Variants in PCDHA1 observed in about 807,000 individuals in gnomAD.
PCDHA1 encodes protocadherin alpha-1.
A neutral mutation model predicts 61.3 loss-of-function variants in PCDHA1; 42 were observed. That is an observed-to-expected ratio of 0.69 (90% CI 0.54 to 0.89). The LOEUF is 0.89. Ranked by LOEUF, PCDHA1 falls within the 40% of genes least tolerant of loss-of-function variation. The pLI is 0.00. For missense variants in PCDHA1, 1,256 were observed against 1,235.3 expected (o/e 1.02, Z -0.25); for synonymous variants, 610 against 553.8 (o/e 1.10, Z -1.43).
intron 1 of PCDHA1, chr5:140,803,449 C>G: frequency 6.2e-7 from 1 of 1,614,208 alleles, no homozygotes; most frequent in Non-Finnish European, 8.5e-7. Flanking sequence ...TGGTCATACT[C>G]GCAGCAGAGG....
rs1554168216 is a variant in PCDHA1, at chr5:140,876,040, A to G, written c.2394+87356A>G. 2 of 1,613,752 alleles carry G rather than the reference A, an allele frequency of 1.2e-6. No homozygotes were observed. Among genetic ancestry groups the G allele is most frequent in the African/African-American group, 1.3e-5 (1 of 74,922 alleles). ...AATAAAAACAAAAAAAGATAAAAGT[A>G]TATTGCCTGAATTAGTTCTTCGGAA... On this transcript the variant is annotated intron_variant, in intron 1 of 3. Coordinates refer to ENST00000504120, the MANE Select transcript of PCDHA1 (RefSeq NM_018900.4).
At chr5:140,806,114 CA>C (rs1392968631) in intron 1 of PCDHA1, among the ~76,000 whole-genome samples, 5 of 152,140 alleles carry the variant, frequency 3.3e-5, no homozygotes, top group African/African-American at 1.2e-4. Context: ...TTGGTTTGAT[CA>C]TGACATTCTT....
intron 2 of PCDHA1, among the ~76,000 whole-genome samples, chr5:140,981,680 C>G (rs1238332235): frequency 6.6e-6 from 1 of 151,746 alleles, no homozygotes; most frequent in Non-Finnish European, 1.5e-5. Context: ...CTTCCTTCCT[C>G]CCTTCCATCA....
At chr5:140,834,377 A>G (rs1445346495) in intron 1 of PCDHA1, 1 of 1,562,428 alleles carries the variant, frequency 6.4e-7, no homozygotes, top group Non-Finnish European at 8.7e-7. Flanking sequence ...CAAGCCAATA[A>G]TTTGAAATGG....
At position 140,927,139 on chromosome 5, in the gene PCDHA1, C is replaced by G. The variant is rs782726149; in HGVS notation, c.2395-51810C>G. 6 of 1,613,928 alleles carry G rather than the reference C, an allele frequency of 3.7e-6. No homozygotes were observed. The Admixed American group carries it at 5.0e-5, about 13-fold the overall frequency. On this transcript the variant is annotated intron_variant, in intron 1 of 3. Coordinates refer to ENST00000504120, the MANE Select transcript of PCDHA1 (RefSeq NM_018900.4). Reference sequence around the variant, plus strand: ...TTTGGTGGTCAGAGAGCCGGCGGACCGCGAACAGCTGTGCAGGGCCAAAGC... The same window carrying G: ...TTTGGTGGTCAGAGAGCCGGCGGACGGCGAACAGCTGTGCAGGGCCAAAGC...
Position 140,922,465 on chromosome 5 carries a change from T to C in PCDHA1, c.2395-56484T>C, listed in dbSNP as rs116670359. ...CATTATCCTATTTGTCAACACAAAA[T>C]AGGAGAGAAGGCAGGACTAAATCTG... On this transcript the variant is annotated intron_variant, in intron 1 of 3. Transcript: ENST00000504120. Among the ~76,000 whole-genome samples the C allele has an allele frequency of 8.9e-3, 1,361 of 152,304 alleles. 16 individuals carry two copies. Among genetic ancestry groups the C allele is most frequent in the African/African-American group, 0.031 (1,303 of 41,562 alleles).
At chr5:140,941,244 T>TTTCG (rs2092953100) in intron 1 of PCDHA1, among the ~76,000 whole-genome samples, 1 of 141,602 alleles carries the variant, frequency 7.1e-6, no homozygotes, top group South Asian at 2.3e-4. Context: ...TCTTTCTTTC[T>TTTCG]TTCTTTCTTT....
chr5:140,802,875 G>T (rs782103564), intron 1 of PCDHA1: 1 of 1,613,736 alleles, frequency 6.2e-7, no homozygotes, highest in Non-Finnish European at 8.5e-7. Context: ...GGACGAGAAC[G>T]ACAACGCGCC....
intron 1 of PCDHA1, chr5:140,850,234 TGGTGCTGCGGTC>T (rs1344981647): frequency 6.3e-7 from 1 of 1,593,808 alleles, no homozygotes; most frequent in East Asian, 2.2e-5. Flanking sequence ...GTGAGCGAGA[TGGTGCTGCGGTC>T]GGTGGGCGCC....
rs2150421063 is a variant in PCDHA1, at chr5:140,848,806, T to C, written c.2394+60122T>C. The C allele has an allele frequency of 8.8e-6, 14 of 1,591,932 alleles. 1 individual carries two copies. The South Asian group carries it at 1.4e-4, about 16-fold the overall frequency. The stretch of plus-strand genomic sequence containing the variant: ...TGCGGGCGGAGCGCGGAGTGCAGCA[T>C]CCACCTGGAGGTGATCGTAGACAGG... On this transcript the variant is annotated intron_variant, in intron 1 of 3. Coordinates refer to ENST00000504120, the MANE Select transcript of PCDHA1 (RefSeq NM_018900.4).
intron 1 of PCDHA1, among the ~76,000 whole-genome samples, chr5:140,908,655 G>C (rs1419890192): frequency 6.6e-6 from 1 of 152,176 alleles, no homozygotes; most frequent in East Asian, 1.9e-4. Context: ...ATGGGGGCCT[G>C]CCAAAGGCTC....
At chr5:140,850,206 A>T in intron 1 of PCDHA1, 1 of 1,592,626 alleles carries the variant, frequency 6.3e-7, no homozygotes, top group South Asian at 1.1e-5. Flanking sequence ...ACCTCGGATG[A>T]GGGGCACTGA....
At chr5:140,956,331 C>T (rs1554222358) in intron 1 of PCDHA1, among the ~76,000 whole-genome samples, 1 of 152,064 alleles carries the variant, frequency 6.6e-6, no homozygotes, top group Non-Finnish European at 1.5e-5. Flanking sequence ...TCCTTCAATA[C>T]CTAGTTTATT....
In PCDHA1 at chr5:141,010,350, G is replaced by A; in HGVS notation, c.*413G>A. The A allele has an allele frequency of 6.6e-7, 1 of 1,515,722 alleles. No individual in the cohort carries two copies. Among genetic ancestry groups the A allele is most frequent in the Non-Finnish European group, 8.8e-7 (1 of 1,132,152 alleles). The allele number at this position is 1,515,722 out of a possible 1,614,324, so 93.9% of individuals were successfully genotyped here. A position where few individuals can be genotyped will look rare whatever the true frequency, so the allele number is the denominator to read the frequency against. ...GGGAGTTTGTGGCCACTGGGTATGT[G>A]TGGCTACCGCGGGTATGCGAGTGCC... is the stretch of plus-strand genomic sequence containing the variant. On this transcript the variant is annotated 3_prime_UTR_variant, in exon 4 of 4. Transcript: ENST00000504120.
At chr5:140,884,416 G>A (rs1035372416) in intron 1 of PCDHA1, 22 of 1,613,888 alleles carry the variant, frequency 1.4e-5, no homozygotes, top group Non-Finnish European at 1.7e-5. Context: ...TCACGTTGCT[G>A]CTGTATACTG....
At chr5:140,951,312 A>G (rs1316911878) in intron 1 of PCDHA1, among the ~76,000 whole-genome samples, 1 of 152,146 alleles carries the variant, frequency 6.6e-6, no homozygotes, top group Non-Finnish European at 1.5e-5. Flanking sequence ...TTAATGTGTT[A>G]TTCTTGAGAT....
intron 3 of PCDHA1, among the ~76,000 whole-genome samples, chr5:141,003,515 G>C (rs1402480495): frequency 1.3e-5 from 2 of 152,114 alleles, no homozygotes; most frequent in Admixed American, 6.5e-5. Flanking sequence ...GTTTCACCAT[G>C]TTCCCTAGGC....
At chr5:140,982,807 G>A (rs2097006971) in intron 3 of PCDHA1, among the ~76,000 whole-genome samples, 2 of 152,048 alleles carry the variant, frequency 1.3e-5, no homozygotes, top group South Asian at 4.1e-4. Flanking sequence ...GTGTGTGTGT[G>A]TGTATGAAGT....
At position 140,830,276 on chromosome 5, in the gene PCDHA1, G is replaced by A. The variant is rs2150184038; in HGVS notation, c.2394+41592G>A. On this transcript the variant is annotated intron_variant, in intron 1 of 3. Transcript: ENST00000504120. The stretch of plus-strand genomic sequence containing the variant: ...GCTGCGGTGCTCGGCGCCACCCACC[G>A]AGGGCGCGTGCACGGCGGACAAGCC... The A allele has an allele frequency of 2.4e-5, 38 of 1,613,712 alleles. No individual in the cohort carries two copies. Among genetic ancestry groups the A allele is most frequent in the East Asian group, 2.2e-4 (10 of 44,876 alleles).
Sources: allele counts gnomAD v4.1 joint callset (sites outside exome capture counted in the v4.1 genomes callset), GRCh38; gene constraint gnomAD v4.1.1; transcripts MANE v1.5; gene names NCBI Gene and HGNC (gene_info 2026-07-23, HGNC 2026-07-21).